FRMPD3: variants seen among roughly 807,000 people sequenced by gnomAD.
FRMPD3 encodes FERM and PDZ domain containing 3.
Under a neutral mutation model 97.9 loss-of-function variants are expected in FRMPD3, and 42 were observed. That is an observed-to-expected ratio of 0.43 (90% CI 0.34 to 0.55). The LOEUF is 0.55. FRMPD3 is among the 20% of genes least tolerant of loss of function. The pLI, the probability that FRMPD3 is intolerant of heterozygous loss-of-function variation, is 0.03. For missense variants in FRMPD3, 1,303 were observed against 1,457.7 expected (o/e 0.89, Z 1.73); for synonymous variants, 577 against 581.1 (o/e 0.99, Z 0.10).
At chrX:107,476,546 C>T (rs931133634) in intron 1 of FRMPD3, among the ~76,000 whole-genome samples, 3 of 112,176 alleles carry the variant, frequency 2.7e-5, no homozygotes, top group African/African-American at 9.7e-5. Context: ...ATGCCTTTGT[C>T]ACCCTACTAC....
intron 11 of FRMPD3, among the ~76,000 whole-genome samples, chrX:107,563,877 G>A (rs1221401408): frequency 1.8e-5 from 2 of 111,978 alleles, no homozygotes; most frequent in African/African-American, 6.5e-5. Context: ...ACAAGGCTCT[G>A]GGGCAGGGCA....
Position 107,459,884 on chromosome X carries a change from T to TACACACACACAC in FRMPD3, c.-8+9916_-8+9927dup, listed in dbSNP as rs67324661. Among the ~76,000 whole-genome samples the TACACACACACAC allele has an allele frequency of 9.9e-4, 89 of 89,872 alleles. 1 individual carries two copies. Among genetic ancestry groups the TACACACACACAC allele is most frequent in the African/African-American group, 3.4e-3 (86 of 24,982 alleles). 78.0% of individuals were successfully genotyped at this position (89,872 alleles called of 115,157 possible). On this transcript the variant is annotated intron_variant, in intron 1 of 14. Transcript: ENST00000683843. The stretch of plus-strand genomic sequence containing the variant: ...GTGCGTGCGTGCACGCAAGCATACA[T>TACACACACACAC]ACACACACACACACACACACACACA...
At position 107,533,553 on chromosome X, in the gene FRMPD3, G is replaced by A. The variant is rs1338317579; in HGVS notation, c.297+3G>A. On this transcript the variant is annotated splice_donor_region_variant and intron_variant, in intron 4 of 14. Transcript: ENST00000683843. ...TTACAGTTCTGCACACTCATCAGGT[G>A]AGTGAGCCTCTTTGCCATCTGCCCT... is the stretch of plus-strand genomic sequence containing the variant. 5.8e-6 allele frequency: 7 copies of A among 1,201,261 alleles called. No individual in the cohort carries two copies. The highest frequency in any genetic ancestry group is 2.3e-4 in the Middle Eastern group (1 of 4,357).
chrX:107,534,796 C>T (rs1923145212), intron 4 of FRMPD3, among the ~76,000 whole-genome samples: 1 of 112,001 alleles, frequency 8.9e-6, no homozygotes, highest in African/African-American at 3.2e-5. Flanking sequence ...CACACACATA[C>T]ACTCACCCAC....
At chrX:107,583,796 T>C (rs1923509811) in intron 13 of FRMPD3, among the ~76,000 whole-genome samples, 1 of 111,365 alleles carries the variant, frequency 9.0e-6, no homozygotes, top group African/African-American at 3.3e-5. Context: ...TGGCAAGACA[T>C]GGTATCTTAT....
Position 107,601,789 on chromosome X carries a change from T to C in FRMPD3, c.3750T>C (p.Leu1250=). 8.3e-7 allele frequency: 1 copy of C among 1,210,380 alleles called. No individual in the cohort carries two copies. The highest frequency in any genetic ancestry group is 1.1e-6 in the Non-Finnish European group (1 of 895,079). ...QKVKQYELEF[L]EELLKPPSQG... ...TAAAGCAGTATGAACTGGAGTTCCT[T>C]GAGGAACTTCTAAAGCCACCAAGCC... The change falls in exon 15 of 15, where the codon CTT becomes CTC. Residue 1250 remains leucine, a synonymous_variant. Coordinates refer to ENST00000683843, the MANE Select transcript of FRMPD3 (RefSeq NM_001388459.1).
rs1172534990 is a variant in FRMPD3, at chrX:107,568,905, AAGAGAGAGAGAGAGAGAGAGAGAGGGAG to A, written c.1296+3859_1296+3886del. The stretch of plus-strand genomic sequence containing the variant: ...GAGACCCTGTTCTCCACAAAAATGA[AAGAGAGAGAGAGAGAGAGAGAGAGGGAG>A]AGAGAGAGAGAGAGAGAGAACCATG... On this transcript the variant is annotated intron_variant, in intron 12 of 14. Coordinates refer to ENST00000683843, the MANE Select transcript of FRMPD3 (RefSeq NM_001388459.1). 3.9e-5 allele frequency among the ~76,000 whole-genome samples: 4 copies of A among 103,239 alleles called. No homozygotes were observed. The East Asian group carries it at 1.2e-3, about 32-fold the overall frequency. The allele number at this position is 103,239 out of a possible 115,157, so 89.7% of individuals were successfully genotyped here. A position where few individuals can be genotyped will look rare whatever the true frequency, so the allele number is the denominator to read the frequency against.
At chrX:107,501,897 A>C (rs1921920279) in intron 1 of FRMPD3, among the ~76,000 whole-genome samples, 1 of 109,859 alleles carries the variant, frequency 9.1e-6, no homozygotes. Flanking sequence ...GGGATCAGGA[A>C]TCACTCCTGC....
In FRMPD3 at chrX:107,601,059, T is replaced by G; in HGVS notation, c.3020T>G (p.Leu1007Arg). 8.3e-7 allele frequency: 1 copy of G among 1,207,189 alleles called. No individual in the cohort carries two copies. Among genetic ancestry groups the G allele is most frequent in the Non-Finnish European group, 1.1e-6 (1 of 893,724 alleles). Reference protein sequence around the residue: ...SMMSSSASKNLKFKISPSAPE... With the variant: ...SMMSSSASKNRKFKISPSAPE... ...ATGAGCAGCAGTGCCAGTAAGAATC[T>G]GAAGTTCAAAATTAGCCCCAGTGCT... The change falls in exon 15 of 15, where the codon CTG becomes CGG. Residue 1007 changes from leucine to arginine, a missense_variant. Leu to Arg is a moderately radical substitution (Grantham distance 102, BLOSUM62 -2). Transcript: ENST00000683843.
At chrX:107,492,733 G>C (rs760071440) in intron 1 of FRMPD3, among the ~76,000 whole-genome samples, 1 of 112,021 alleles carries the variant, frequency 8.9e-6, no homozygotes, top group South Asian at 3.7e-4. Context: ...ATTAAATTTC[G>C]AGAAGCACTG....
At chrX:107,581,024 C>G (rs749692742) in intron 13 of FRMPD3, among the ~76,000 whole-genome samples, 4 of 111,574 alleles carry the variant, frequency 3.6e-5, no homozygotes, top group Admixed American at 2.9e-4. Context: ...ATACTATTAC[C>G]TACCTCATGA....
At chrX:107,574,848 C>T (rs1389982672) in intron 12 of FRMPD3, among the ~76,000 whole-genome samples, 1 of 112,072 alleles carries the variant, frequency 8.9e-6, no homozygotes, top group Non-Finnish European at 1.9e-5. Context: ...GCCTAATTCT[C>T]CTATTTCTTA....
At position 107,601,900 on chromosome X, in the gene FRMPD3, G is replaced by A; in HGVS notation, c.3861G>A (p.Gln1287=). The part of the protein sequence containing the change: ...SCQLRSSPVQ[Q]GPGMSREQRR... ...AGCTCCGCAGCAGCCCTGTGCAGCA[G>A]GGGCCTGGCATGTCCCGTGAGCAGA... The change falls in exon 15 of 15, where the codon CAG becomes CAA. Residue 1287 remains glutamine, a synonymous_variant. Transcript: ENST00000683843. 1 of 1,203,598 alleles carries A rather than the reference G, an allele frequency of 8.3e-7. No individual in the cohort carries two copies. Among genetic ancestry groups the A allele is most frequent in the Non-Finnish European group, 1.1e-6 (1 of 892,166 alleles).
At position 107,589,996 on chromosome X, in the gene FRMPD3, C is replaced by CA. The variant is rs1032512135; in HGVS notation, c.1442-7319dup. On this transcript the variant is annotated intron_variant, in intron 13 of 14. Transcript: ENST00000683843. ...TGAAACCCTGTCTCTACTAAAAATACAAAAAATTAGCTGGGTGGGGTGGTG... is the reference window on the plus strand; with the variant it reads ...TGAAACCCTGTCTCTACTAAAAATACAAAAAAATTAGCTGGGTGGGGTGGTG... Among the ~76,000 whole-genome samples the CA allele has an allele frequency of 2.4e-3, 267 of 111,210 alleles. 1 individual carries two copies. Among genetic ancestry groups the CA allele is most frequent in the African/African-American group, 8.2e-3 (252 of 30,593 alleles).
rs774451064 is a variant in FRMPD3 at position 107,601,467 on chromosome X, A to C, written c.3428A>C (p.His1143Pro). The change falls in exon 15 of 15, where the codon CAC becomes CCC. Residue 1143 changes from histidine to proline, a missense_variant. His to Pro is a moderately conservative substitution (Grantham distance 77). Coordinates refer to ENST00000683843, the MANE Select transcript of FRMPD3 (RefSeq NM_001388459.1). Reference protein sequence around the residue: ...LQSPSCQSRSHSPSCQPHGHS... With the variant: ...LQSPSCQSRSPSPSCQPHGHS... ...AGCCCCAGCTGCCAGTCAAGAAGCC[A>C]CAGCCCCAGCTGCCAGCCTCATGGC... 6 of 1,169,600 alleles carry C rather than the reference A, an allele frequency of 5.1e-6. No individual in the cohort carries two copies. The East Asian group carries it at 1.6e-4, about 32-fold the overall frequency.
In FRMPD3 at chrX:107,449,968, G is replaced by GGAGGAGGAA. The variant is rs1931248634; in HGVS notation, c.-36_-28dup. Among the ~76,000 whole-genome samples, 1 of 110,886 alleles carries GGAGGAGGAA rather than the reference G, an allele frequency of 9.0e-6. No homozygotes were observed. The highest frequency in any genetic ancestry group is 1.9e-5 in the Non-Finnish European group (1 of 52,479). Reference sequence around the variant, plus strand: ...CTGAGGAGGCGGAGGAGGAGGAGGAGGAGGAGGAAGAGGAGGAGGAAGAGG... The same window carrying GGAGGAGGAA: ...CTGAGGAGGCGGAGGAGGAGGAGGAGGAGGAGGAAGAGGAGGAAGAGGAGGAGGAAGAGG... On this transcript the variant is annotated 5_prime_UTR_variant, in exon 1 of 15. Coordinates refer to ENST00000683843, the MANE Select transcript of FRMPD3 (RefSeq NM_001388459.1).
chrX:107,576,818 TTGAAG>T (rs1923137367), intron 13 of FRMPD3, among the ~76,000 whole-genome samples: 1 of 111,331 alleles, frequency 9.0e-6, no homozygotes, highest in Non-Finnish European at 1.9e-5. Flanking sequence ...TCTGGCTCAG[TTGAAG>T]TGAAGATGAA....
At chrX:107,462,177 GA>G (rs1931490057) in intron 1 of FRMPD3, among the ~76,000 whole-genome samples, 1 of 110,908 alleles carries the variant, frequency 9.0e-6, no homozygotes, top group African/African-American at 3.3e-5. Flanking sequence ...AAATATAGAG[GA>G]AAAAAAAGCA....
chrX:107,459,275 G>A (rs1381383198), intron 1 of FRMPD3, among the ~76,000 whole-genome samples: 1 of 112,392 alleles, frequency 8.9e-6, no homozygotes, highest in Non-Finnish European at 1.9e-5. Context: ...TCTGAGAGCT[G>A]GTAAGAGTGA....
Sources: allele counts gnomAD v4.1 joint callset (sites outside exome capture counted in the v4.1 genomes callset), GRCh38; gene constraint gnomAD v4.1.1; transcripts MANE v1.5; gene names NCBI Gene and HGNC (gene_info 2026-07-23, HGNC 2026-07-21).